Variants in MAPK10 observed in about 807,000 individuals in gnomAD.
MAPK10 encodes the protein mitogen-activated protein kinase 10, also known as JNK3 alpha protein kinase.
A neutral mutation model predicts 59.3 loss-of-function variants in MAPK10; 25 were observed. The observed-to-expected ratio is 0.42, with a 90% CI of 0.31 to 0.59. MAPK10 has a LOEUF of 0.59. Ranked by LOEUF, MAPK10 falls within the 20% of genes least tolerant of loss-of-function variation. The pLI, the probability that MAPK10 is intolerant of heterozygous loss-of-function variation, is 0.15. For synonymous variants in MAPK10, 190 were observed against 200.5 expected, an observed-to-expected ratio of 0.95 and a Z score of 0.44; for missense variants, 351 against 568.9, an observed-to-expected ratio of 0.62 and a Z score of 3.90.
intron 1 of MAPK10, among the ~76,000 whole-genome samples, chr4:86,466,692 T>G (rs957927421): frequency 6.6e-6 from 1 of 152,218 alleles, no homozygotes; most frequent in Non-Finnish European, 1.5e-5. Context: ...ATCTTTTTTA[T>G]GGCATTTGGT....
chr4:86,046,518 A>G (rs910110307), intron 11 of MAPK10, among the ~76,000 whole-genome samples: 1 of 150,886 alleles, frequency 6.6e-6, no homozygotes, highest in African/African-American at 2.4e-5. Flanking sequence ...TTGAAAATCT[A>G]GAAGAAATGG....
intron 10 of MAPK10, 59 bp from the exon 11 acceptor site, chr4:86,064,449 T>C: frequency 3.2e-6 from 5 of 1,558,162 alleles, no homozygotes; most frequent in Non-Finnish European, 3.5e-6. Flanking sequence ...AGGAAATTTG[T>C]CAGAGAGGAA....
At chr4:86,099,047 C>CT (rs1181129568) in intron 8 of MAPK10, 3 of 153,000 alleles carry the variant, frequency 2.0e-5, no homozygotes, top group East Asian at 1.9e-4. Flanking sequence ...AAGAGACCAC[C>CT]TTTTTTTTCA....
At chr4:86,578,640 A>G (rs1161505824) in intron 1 of MAPK10, among the ~76,000 whole-genome samples, 1 of 151,746 alleles carries the variant, frequency 6.6e-6, no homozygotes, top group African/African-American at 2.4e-5. Context: ...GAACATTCAA[A>G]TCATAGATAA....
chr4:86,223,170 AT>A (rs2089983922), intron 2 of MAPK10, among the ~76,000 whole-genome samples: 1 of 152,140 alleles, frequency 6.6e-6, no homozygotes. Flanking sequence ...CAAATTTTAA[AT>A]TTTACCATTT....
chr4:86,110,358 G>A (rs957387523), intron 4 of MAPK10, among the ~76,000 whole-genome samples: 12 of 152,006 alleles, frequency 7.9e-5, no homozygotes, highest in Non-Finnish European at 1.6e-4. Flanking sequence ...TATAGTTTTG[G>A]GTTTTACATT....
At chr4:86,458,702 A>T (rs1751458653) in intron 1 of MAPK10, among the ~76,000 whole-genome samples, 1 of 152,226 alleles carries the variant, frequency 6.6e-6, no homozygotes, top group South Asian at 2.1e-4. Context: ...TGCTGGGATA[A>T]TTGGCAAGCC....
At chr4:86,523,297 T>A (rs1038596103) in intron 1 of MAPK10, among the ~76,000 whole-genome samples, 4 of 152,198 alleles carry the variant, frequency 2.6e-5, no homozygotes, top group African/African-American at 9.7e-5. Flanking sequence ...CCCCAATCCC[T>A]GCCATACACA....
intron 3 of MAPK10, among the ~76,000 whole-genome samples, chr4:86,183,932 TGTC>T (rs576363884): frequency 6.0e-4 from 91 of 152,366 alleles, no homozygotes; most frequent in African/African-American, 2.1e-3. Flanking sequence ...GCTGCATAAA[TGTC>T]TTCTTTTGAG....
chr4:86,356,457 A>G (rs1734525606), intron 1 of MAPK10: 9 of 844,514 alleles, frequency 1.1e-5, no homozygotes, highest in Non-Finnish European at 1.3e-5. Flanking sequence ...GATTTTCAAT[A>G]TTACCTGATG....
intron 2 of MAPK10, among the ~76,000 whole-genome samples, chr4:86,206,663 C>T (rs1384601993): frequency 2.0e-5 from 3 of 152,206 alleles, no homozygotes; most frequent in Non-Finnish European, 1.5e-5. Context: ...GTCCCACCAA[C>T]AGTGTAAAAT....
intron 2 of MAPK10, among the ~76,000 whole-genome samples, chr4:86,343,295 A>C (rs1355491617): frequency 6.6e-6 from 1 of 152,196 alleles, no homozygotes; most frequent in East Asian, 1.9e-4. Flanking sequence ...CTAGGACTAC[A>C]GGGACTTATG....
chr4:86,535,098 T>C (rs999654799), intron 1 of MAPK10, among the ~76,000 whole-genome samples: 5 of 152,140 alleles, frequency 3.3e-5, no homozygotes, highest in African/African-American at 4.8e-5. Flanking sequence ...TCTATATACA[T>C]GGCTTAATAC....
At chr4:86,433,555 CTTTTTTTTTTTTT>C (rs574706672) in intron 1 of MAPK10, among the ~76,000 whole-genome samples, 4 of 97,612 alleles carry the variant, frequency 4.1e-5, no homozygotes, top group South Asian at 7.9e-4. Context: ...GGGCCTTCTT[CTTTTTTTTTTTTT>C]TTTTTTTTTT....
At chr4:86,044,578 T>C (rs988360359) in intron 11 of MAPK10, 4 of 393,436 alleles carry the variant, frequency 1.0e-5, no homozygotes, top group Non-Finnish European at 9.0e-6. Flanking sequence ...TAGTTCTTGG[T>C]AGAATACAAT....
chr4:86,368,793 A>T (rs1184212578), intron 1 of MAPK10, among the ~76,000 whole-genome samples: 1 of 151,982 alleles, frequency 6.6e-6, no homozygotes, highest in Non-Finnish European at 1.5e-5. Flanking sequence ...TTTTTTTGAA[A>T]GTCTGAATGT....
intron 1 of MAPK10, among the ~76,000 whole-genome samples, chr4:86,392,750 G>T (rs1742405785): frequency 6.6e-6 from 1 of 152,224 alleles, no homozygotes; most frequent in South Asian, 2.1e-4. Flanking sequence ...CAAGCAGCAG[G>T]AAGAGCCAAG....
chr4:86,473,812 A>G (rs943521442), intron 1 of MAPK10, among the ~76,000 whole-genome samples: 2 of 152,144 alleles, frequency 1.3e-5, no homozygotes, highest in Admixed American at 6.6e-5. Flanking sequence ...AAGTTCCCAG[A>G]GAAGTGAGGT....
At chr4:86,263,161 T>G (rs1201883635) in intron 2 of MAPK10, among the ~76,000 whole-genome samples, 3 of 152,190 alleles carry the variant, frequency 2.0e-5, no homozygotes, top group African/African-American at 7.2e-5. Flanking sequence ...AGCTTCTTGT[T>G]GTTACTTTCC....
Sources: gnomAD v4.1 joint callset for allele counts (sites outside exome capture counted in the v4.1 genomes callset) on GRCh38, gnomAD v4.1.1 for gene constraint, MANE v1.5 for transcripts, NCBI Gene and HGNC (gene_info 2026-07-23, HGNC 2026-07-21) for gene names.